Variants in SLC26A7 observed in about 807,000 individuals in gnomAD.
SLC26A7 encodes solute carrier family 26 member 7.
SLC26A7 carries 59 observed loss-of-function variants against 82.5 expected under a neutral mutation model. The ratio of observed to expected loss-of-function variants is 0.72; its 90% CI spans 0.58 to 0.89. The LOEUF is 0.89. Among genes scored for constraint, SLC26A7 ranks in the 40% least tolerant of loss-of-function variants. The probability of loss-of-function intolerance (pLI) is 0.00; values close to 1 mark genes in which losing one functional copy is unlikely to be tolerated. For synonymous variants in SLC26A7, 271 were observed against 274.3 expected (o/e 0.99, Z 0.12); for missense variants, 820 against 793.0 (o/e 1.03, Z -0.41).
chr8:91,391,359 G>T (rs1028630952), intron 16 of SLC26A7, among the ~76,000 whole-genome samples: 1 of 152,124 alleles, frequency 6.6e-6, no homozygotes. Context: ...TTTCAGAATT[G>T]GCAGATATTT....
At chr8:91,270,078 C>T (rs1811228034) in intron 2 of SLC26A7, among the ~76,000 whole-genome samples, 1 of 151,990 alleles carries the variant, frequency 6.6e-6, no homozygotes, top group African/African-American at 2.4e-5. Context: ...CATAGATTGT[C>T]AATTCTTCTT....
intron 15 of SLC26A7, among the ~76,000 whole-genome samples, chr8:91,383,822 A>G (rs926298090): frequency 3.9e-5 from 6 of 152,176 alleles, no homozygotes; most frequent in African/African-American, 1.4e-4. Flanking sequence ...CAGCTCACAC[A>G]TCACATTCTT....
chr8:91,338,835 T>C (rs996064432), intron 7 of SLC26A7, among the ~76,000 whole-genome samples: 1 of 152,066 alleles, frequency 6.6e-6, no homozygotes, highest in Non-Finnish European at 1.5e-5. Flanking sequence ...AGGAGGACAG[T>C]GTCTTATGGG....
At chr8:91,348,298 G>A (rs898319617) in intron 9 of SLC26A7, 7 of 984,072 alleles carry the variant, frequency 7.1e-6, no homozygotes, top group Non-Finnish European at 8.4e-6. Context: ...CTTTCCACAA[G>A]ACTGCACATG....
At chr8:91,328,126 A>T (rs930821644) in intron 5 of SLC26A7, among the ~76,000 whole-genome samples, 1 of 152,150 alleles carries the variant, frequency 6.6e-6, no homozygotes, top group African/African-American at 2.4e-5. Context: ...TTTTCTAAAC[A>T]TATAAGATCT....
At chr8:91,356,603 G>T (rs1407860022) in intron 11 of SLC26A7, among the ~76,000 whole-genome samples, 2 of 152,112 alleles carry the variant, frequency 1.3e-5, no homozygotes, top group African/African-American at 4.8e-5. Flanking sequence ...AAATTTGTTT[G>T]AGTTCATTGT....
chr8:91,225,414 G>A (rs773030381), intron 2 of SLC26A7, among the ~76,000 whole-genome samples: 1 of 152,012 alleles, frequency 6.6e-6, no homozygotes, highest in Non-Finnish European at 1.5e-5. Flanking sequence ...GGTGGGAGGG[G>A]ATTGCCCTTC....
At chr8:91,339,627 G>GATTTATTTATTTATTTATTTATTT (rs60112814) in intron 7 of SLC26A7, among the ~76,000 whole-genome samples, 1 of 146,964 alleles carries the variant, frequency 6.8e-6, no homozygotes, top group African/African-American at 2.5e-5. Context: ...CTGCCTGAGG[G>GATTTATTTATTTATTTATTTATTT]ATTTATTTAT....
chr8:91,268,914 C>G (rs181248871), intron 2 of SLC26A7, among the ~76,000 whole-genome samples: 2 of 147,558 alleles, frequency 1.4e-5, no homozygotes, highest in African/African-American at 5.0e-5. Flanking sequence ...CTATTTTAAA[C>G]TGATACCAAC....
rs1449934769 is a variant in SLC26A7, at chr8:91,363,497, A to G, written c.1447A>G (p.Met483Val). 1.3e-6 allele frequency: 2 copies of G among 1,507,950 alleles called. No homozygotes were observed. The highest frequency in any genetic ancestry group is 1.8e-6 in the Non-Finnish European group (2 of 1,100,164). 93.4% of individuals were successfully genotyped at this position (1,507,950 alleles called of 1,614,324 possible). A position where few individuals can be genotyped will look rare whatever the true frequency, so the allele number is the denominator to read the frequency against. The change falls in exon 13 of 19, where the codon ATG becomes GTG. Residue 483 changes from methionine to valine, a missense_variant. By Grantham distance (21) the Met-to-Val change is conservative. Coordinates refer to ENST00000276609, the MANE Select transcript of SLC26A7 (RefSeq NM_052832.4). ...AGCAATGACTGTAAGTATAAAAAATATGAAAGAAATGGAATTTAAAGTGAA... is the reference window on the plus strand; with the variant it reads ...AGCAATGACTGTAAGTATAAAAAATGTGAAAGAAATGGAATTTAAAGTGAA... ...PRAMTVSIKN[M>V]KEMEFKVKTE... is the part of the protein sequence containing the mutation.
chr8:91,341,859 G>A (rs1255970288), intron 8 of SLC26A7, among the ~76,000 whole-genome samples: 1 of 152,082 alleles, frequency 6.6e-6, no homozygotes, highest in African/African-American at 2.4e-5. Context: ...ATTTGCACTT[G>A]CTGTTCCCCT....
intron 2 of SLC26A7, among the ~76,000 whole-genome samples, chr8:91,285,027 C>A (rs1300968918): frequency 6.6e-6 from 1 of 152,174 alleles, no homozygotes. Flanking sequence ...GGAATTTATT[C>A]TTGAGGCTAG....
chr8:91,250,662 G>A (rs1266666900), intron 2 of SLC26A7, among the ~76,000 whole-genome samples: 1 of 152,048 alleles, frequency 6.6e-6, no homozygotes, highest in Non-Finnish European at 1.5e-5. Flanking sequence ...AGTTTCCTTG[G>A]CATAGACACT....
At chr8:91,357,437 A>G (rs937126566) in intron 11 of SLC26A7, 1 of 152,020 alleles carries the variant, frequency 6.6e-6, no homozygotes, top group African/African-American at 2.4e-5. Flanking sequence ...GGTGGATTTT[A>G]ATAGAGGAGG....
At chr8:91,312,200 T>A (rs1236989908) in intron 4 of SLC26A7, among the ~76,000 whole-genome samples, 1 of 152,218 alleles carries the variant, frequency 6.6e-6, no homozygotes, top group Non-Finnish European at 1.5e-5. Flanking sequence ...AGTGGAATCA[T>A]ACAGTATTTG....
chr8:91,337,632 C>T (rs1033313891), intron 6 of SLC26A7, among the ~76,000 whole-genome samples: 2 of 152,148 alleles, frequency 1.3e-5, no homozygotes, highest in African/African-American at 4.8e-5. Context: ...CAGCATGTTT[C>T]ACTACAAGAA....
At chr8:91,357,468 A>G (rs1041630811) in intron 11 of SLC26A7, 6 of 152,092 alleles carry the variant, frequency 3.9e-5, no homozygotes, top group African/African-American at 1.4e-4. Context: ...AATGCCTTTA[A>G]TATACTCTCT....
intron 9 of SLC26A7, among the ~76,000 whole-genome samples, chr8:91,347,038 C>G (rs1249177396): frequency 6.6e-6 from 1 of 152,188 alleles, no homozygotes; most frequent in African/African-American, 2.4e-5. Context: ...CTTAAAGCTA[C>G]TGGAGAACAC....
At chr8:91,320,211 T>G (rs1812753155) in intron 5 of SLC26A7, among the ~76,000 whole-genome samples, 1 of 152,042 alleles carries the variant, frequency 6.6e-6, no homozygotes, top group Non-Finnish European at 1.5e-5. Flanking sequence ...TACCAGTGCG[T>G]GCCACTGTGC....
Sources: allele counts gnomAD v4.1 joint callset (sites outside exome capture counted in the v4.1 genomes callset), GRCh38; gene constraint gnomAD v4.1.1; transcripts MANE v1.5; gene names NCBI Gene and HGNC (gene_info 2026-07-23, HGNC 2026-07-21).